The following C11orf65 variants were observed in gnomAD, a reference collection of about 807,000 sequenced individuals.
The protein encoded by C11orf65 is chromosome 11 open reading frame 65.
In C11orf65, 38 loss-of-function variants were observed where a neutral mutation model predicts 35.3. The observed-to-expected ratio is 1.08, with a 90% CI of 0.83 to 1.41. The LOEUF (loss-of-function observed/expected upper bound fraction) is 1.41. Ranked by LOEUF, C11orf65 falls within the 40% of genes most tolerant of loss-of-function variation. The pLI, the probability that C11orf65 is intolerant of heterozygous loss-of-function variation, is 0.00. For missense variants in C11orf65, 370 were observed against 367.1 expected, an observed-to-expected ratio of 1.01 and a Z score of -0.06; for synonymous variants, 105 against 114.4, an observed-to-expected ratio of 0.92 and a Z score of 0.53.
At chr11:108,419,288 T>C (rs1434190626) in intron 3 of C11orf65, among the ~76,000 whole-genome samples, 2 of 152,126 alleles carry the variant, frequency 1.3e-5, no homozygotes, top group Non-Finnish European at 2.9e-5. Context: ...AATGTACCTA[T>C]TCTAGGAACG....
intron 2 of C11orf65, chr11:108,365,242 C>T (rs1443290056): frequency 6.2e-7 from 1 of 1,614,156 alleles, no homozygotes; most frequent in Non-Finnish European, 8.5e-7. Context: ...TAAGAAGGTC[C>T]TGTTGTCAGT....
Position 108,383,144 on chromosome 11 carries a change from T to C in C11orf65, c.819A>G (p.Ile273Met), listed in dbSNP as rs144633070. 1.2e-6 allele frequency: 2 copies of C among 1,604,314 alleles called. No homozygotes were observed. Among genetic ancestry groups the C allele is most frequent in the South Asian group, 1.1e-5 (1 of 88,660 alleles). Residue 273 changes from isoleucine to methionine, a missense_variant, in exon 9 of 9, where the codon ATA becomes ATG. By Grantham distance (10) the Ile-to-Met change is conservative. Coordinates refer to ENST00000393084, the MANE Select transcript of C11orf65 (RefSeq NM_152587.5). ...GFRFNQAQKN[I>M]YNYGGDISKM... ...TTGATATGTCTCCTCCATAGTTATA[T>C]ATGTTTTTCTGTGCTTGATTAAACC...
At chr11:108,373,906 C>T (rs946781171) in intron 2 of C11orf65, among the ~76,000 whole-genome samples, 4 of 152,212 alleles carry the variant, frequency 2.6e-5, no homozygotes, top group Admixed American at 6.5e-5. Context: ...CCTACGCCCA[C>T]GGAGTCTTGC....
At chr11:108,345,815 T>C (rs2088282275) in intron 2 of C11orf65, 1 of 1,613,796 alleles carries the variant, frequency 6.2e-7, no homozygotes, top group South Asian at 1.1e-5. Context: ...TCAACCAGTT[T>C]TCCGTTACTT....
chr11:108,373,900 C>A (rs915362610), intron 2 of C11orf65, among the ~76,000 whole-genome samples: 1 of 152,206 alleles, frequency 6.6e-6, no homozygotes, highest in Non-Finnish European at 1.5e-5. Flanking sequence ...GAGGGTCCTA[C>A]GCCCACGGAG....
In C11orf65 at chr11:108,317,489, G is replaced by C. The variant is rs587780632; in HGVS notation, c.641-8418C>G. ...AACTTCATTACCAAGCAGCATGGAG[G>C]AATATGCAGTGGGACCATTGCACTT... On this transcript the variant is annotated intron_variant, in intron 6 of 6. Transcript: ENST00000525729. The C allele has an allele frequency of 5.0e-5, 80 of 1,610,570 alleles. No homozygotes were observed. Among genetic ancestry groups the C allele is most frequent in the Admixed American group, 2.5e-4 (15 of 59,758 alleles).
At chr11:108,461,257 C>A (rs1474795044) in intron 2 of C11orf65, among the ~76,000 whole-genome samples, 1 of 152,002 alleles carries the variant, frequency 6.6e-6, no homozygotes, top group Non-Finnish European at 1.5e-5. Flanking sequence ...CAAAAATTAG[C>A]CAAGCATGGT....
At chr11:108,404,588 T>TTC (rs1401468598) in intron 6 of C11orf65, among the ~76,000 whole-genome samples, 1 of 119,056 alleles carries the variant, frequency 8.4e-6, no homozygotes, top group Non-Finnish European at 2.0e-5. Context: ...TTTCTTTTCT[T>TTC]TTTTTTTTTT....
rs1057521515 is a variant in C11orf65 at position 108,325,490 on chromosome 11, C to T, written c.641-16419G>A. 2 of 1,613,422 alleles carry T rather than the reference C, an allele frequency of 1.2e-6. No individual in the cohort carries two copies. Among genetic ancestry groups the T allele is most frequent in the East Asian group, 2.2e-5 (1 of 44,842 alleles). ...AAAGAGAATGTATTAAGGACATTCTCACCAAACACCTTGTAGAACTCTCTA... is the reference window on the plus strand; with the variant it reads ...AAAGAGAATGTATTAAGGACATTCTTACCAAACACCTTGTAGAACTCTCTA... On this transcript the variant is annotated intron_variant, in intron 6 of 6. Transcript: ENST00000525729.
intron 2 of C11orf65, among the ~76,000 whole-genome samples, chr11:108,338,598 A>G (rs554910470): frequency 6.6e-6 from 1 of 152,230 alleles, no homozygotes; most frequent in African/African-American, 2.4e-5. Context: ...GGGGCTGTGC[A>G]TGAGCTGTGA....
chr11:108,441,482 C>A (rs2093153199), intron 2 of C11orf65, among the ~76,000 whole-genome samples: 2 of 152,120 alleles, frequency 1.3e-5, no homozygotes, highest in Admixed American at 1.3e-4. Flanking sequence ...AGTTGTTATC[C>A]CAGCATGGAG....
At chr11:108,317,914 A>G (rs908664204) in intron 6 of C11orf65, among the ~76,000 whole-genome samples, 5 of 151,998 alleles carry the variant, frequency 3.3e-5, no homozygotes, top group African/African-American at 7.3e-5. Flanking sequence ...ATCATCTCGC[A>G]TAGTTTGTTG....
downstream of C11orf65, chr11:108,329,041 T>C (rs752476328): frequency 1.2e-6 from 2 of 1,613,976 alleles, no homozygotes; most frequent in Non-Finnish European, 1.7e-6. Context: ...TTGCTGGAAA[T>C]TATGATGGAG....
chr11:108,429,549 C>T (rs554789220), intron 3 of C11orf65, among the ~76,000 whole-genome samples: 1 of 152,058 alleles, frequency 6.6e-6, no homozygotes, highest in Non-Finnish European at 1.5e-5. Context: ...GGTGAGAGTA[C>T]AAAATGGTAC....
At chr11:108,439,331 G>T (rs960679862) in intron 2 of C11orf65, among the ~76,000 whole-genome samples, 1 of 152,160 alleles carries the variant, frequency 6.6e-6, no homozygotes, top group African/African-American at 2.4e-5. Flanking sequence ...CTTGAAAATA[G>T]CAAGTATTGG....
intron 6 of C11orf65, among the ~76,000 whole-genome samples, chr11:108,396,228 G>A (rs1273158374): frequency 6.6e-6 from 1 of 151,980 alleles, no homozygotes; most frequent in East Asian, 2.0e-4. Context: ...AACTAGCTGG[G>A]ATCACAGGAG....
At chr11:108,387,802 A>T (rs1039188673) in intron 7 of C11orf65, among the ~76,000 whole-genome samples, 3 of 152,244 alleles carry the variant, frequency 2.0e-5, no homozygotes, top group Admixed American at 6.5e-5. Flanking sequence ...TGCTGGGATT[A>T]TAGGCGTGAG....
At chr11:108,337,665 C>G (rs1191452837) in intron 2 of C11orf65, among the ~76,000 whole-genome samples, 2 of 152,034 alleles carry the variant, frequency 1.3e-5, no homozygotes, top group African/African-American at 4.8e-5. Flanking sequence ...CATTTTAGAA[C>G]AAAGTTGATG....
downstream of C11orf65, among the ~76,000 whole-genome samples, chr11:108,330,817 G>A (rs1041369461): frequency 6.6e-6 from 1 of 152,012 alleles, no homozygotes; most frequent in African/African-American, 2.4e-5. Flanking sequence ...AGAAATATGG[G>A]ATTTTTACAA....
Sources: gnomAD v4.1 joint callset for allele counts (sites outside exome capture counted in the v4.1 genomes callset) on GRCh38, gnomAD v4.1.1 for gene constraint, MANE v1.5 for transcripts, NCBI Gene and HGNC (gene_info 2026-07-23, HGNC 2026-07-21) for gene names.